The following NLRP5 variants were observed in gnomAD, a reference collection of about 807,000 sequenced individuals.
NLRP5 encodes the protein NLR family pyrin domain containing 5.
NLRP5 carries 93 observed loss-of-function variants against 113.1 expected under a neutral mutation model. The observed-to-expected ratio is 0.82, with a 90% confidence interval of 0.70 to 0.98. The LOEUF (loss-of-function observed/expected upper bound fraction) is 0.98. Ranked by LOEUF, NLRP5 falls within the 50% of genes least tolerant of loss-of-function variation. NLRP5 has a pLI of 0.00. For missense variants in NLRP5, 1,808 were observed against 1,514.3 expected (o/e 1.19, Z -3.22); for synonymous variants, 751 against 600.7 (o/e 1.25, Z -3.66).
chr19:56,014,932 C>A (rs962808561), intron 3 of NLRP5, among the ~76,000 whole-genome samples: 1 of 152,040 alleles, frequency 6.6e-6, no homozygotes, highest in African/African-American at 2.4e-5. Flanking sequence ...TTTACAATTT[C>A]TGCAAGCAAA....
intron 9 of NLRP5, among the ~76,000 whole-genome samples, 178 bp from the exon 10 acceptor site, chr19:56,037,847 G>C (rs1457806846): frequency 1.3e-5 from 2 of 152,112 alleles, no homozygotes; most frequent in East Asian, 3.9e-4. Flanking sequence ...GAAAACCTGA[G>C]GGAGGGAGGA....
intron 3 of NLRP5, among the ~76,000 whole-genome samples, chr19:56,013,223 T>C (rs540112494): frequency 2.0e-5 from 3 of 152,238 alleles, no homozygotes. Context: ...GATGGAGTCG[T>C]GCTCTGTTGC....
chr19:56,010,754 A>AAAAAAAAAAAAAAAAAAAAAAAAAAC (rs1220880536), intron 3 of NLRP5, among the ~76,000 whole-genome samples: 1 of 119,870 alleles, frequency 8.3e-6, no homozygotes, highest in Non-Finnish European at 1.8e-5. Context: ...AAAAAAAAAA[A>AAAAAAAAAAAAAAAAAAAAAAAAAAC]AGTCCCTTGA....
chr19:55,993,676 C>A, the NLRP5 span, among the ~76,000 whole-genome samples: 1 of 136,294 alleles, frequency 7.3e-6, no homozygotes, highest in Admixed American at 7.7e-5. Context: ...CTTCCATAGT[C>A]CCATTTGCTC....
intron 1 of NLRP5, among the ~76,000 whole-genome samples, chr19:56,000,130 C>T (rs959015455): frequency 6.6e-5 from 10 of 151,550 alleles, no homozygotes; most frequent in Admixed American, 3.3e-4. Flanking sequence ...TGTCCAGGGA[C>T]GGCCACCTCT....
chr19:56,009,987 C>T (rs2056116311), intron 3 of NLRP5, among the ~76,000 whole-genome samples: 1 of 152,202 alleles, frequency 6.6e-6, no homozygotes, highest in African/African-American at 2.4e-5. Context: ...TGTGATAAGA[C>T]TGCGTCTCAG....
chr19:56,050,457 T>A lies in NLRP5; in HGVS notation c.2997T>A (p.Phe999Leu). Residue 999 changes from phenylalanine to leucine, a missense_variant, in exon 12 of 15, where the codon TTT becomes TTA. By Grantham distance (22) the Phe-to-Leu change is conservative. Coordinates refer to ENST00000390649, the MANE Select transcript of NLRP5 (RefSeq NM_153447.4). ...ACCTGGACACGGCTGGCTGTGGTTT[T>A]CTTGCACTTGCGCTTATGGGTAACT... is the stretch of plus-strand genomic sequence containing the variant. 3 of 1,613,930 alleles carry A rather than the reference T, an allele frequency of 1.9e-6. No individual in the cohort carries two copies. The highest frequency in any genetic ancestry group is 2.5e-6 in the Non-Finnish European group (3 of 1,179,874).
At chr19:55,994,137 G>A in the NLRP5 span, among the ~76,000 whole-genome samples, 5 of 151,850 alleles carry the variant, frequency 3.3e-5, no homozygotes, top group African/African-American at 9.7e-5. Flanking sequence ...TTTATTTTTC[G>A]TCTTTTTTGA....
In NLRP5 at chr19:56,038,179, G is replaced by A. The variant is rs775580229; in HGVS notation, c.2770G>A (p.Ala924Thr). Residue 924 changes from alanine to threonine, a missense_variant, in exon 10 of 15, where the codon GCC (alanine) becomes ACC (threonine). Coordinates refer to ENST00000390649, the MANE Select transcript of NLRP5 (RefSeq NM_153447.4). ...TGATGCCTTGAGAGTCTCCCAGTGCGCCCTGCAGAAGCTGATGTGAGTGCC... is the reference window on the plus strand; with the variant it reads ...TGATGCCTTGAGAGTCTCCCAGTGCACCCTGCAGAAGCTGATGTGAGTGCC... The A allele has an allele frequency of 1.8e-5, 29 of 1,613,650 alleles. 1 individual carries two copies. Among genetic ancestry groups the A allele is most frequent in the East Asian group, 1.1e-4 (5 of 44,878 alleles).
At chr19:56,005,180 T>C (rs552565532) in intron 2 of NLRP5, among the ~76,000 whole-genome samples, 3 of 134,824 alleles carry the variant, frequency 2.2e-5, no homozygotes, top group African/African-American at 8.6e-5. Context: ...TTTTTATATA[T>C]ACACACATAT....
At chr19:56,020,966 C>G (rs1312954339) in intron 6 of NLRP5, among the ~76,000 whole-genome samples, 1 of 151,638 alleles carries the variant, frequency 6.6e-6, no homozygotes, top group African/African-American at 2.4e-5. Context: ...CTCTGCCTCC[C>G]AGGTTCAAGC....
chr19:56,030,296 G>A (rs4801663), intron 7 of NLRP5, among the ~76,000 whole-genome samples: 6,349 of 151,984 alleles, frequency 0.042, 226 homozygotes, highest in East Asian at 0.2. Context: ...CTGGAACCCC[G>A]CGGGCGGAGG....
In NLRP5 at chr19:56,004,132, G is replaced by C. The variant is rs764665493; in HGVS notation, c.442+37G>C. On this transcript the variant is annotated intron_variant, in intron 2 of 14. Transcript: ENST00000390649. The stretch of plus-strand genomic sequence containing the variant: ...TTGGGACAAGTCTAGGGCAGGGAGG[G>C]GAGGTGATTTCAGGTTCTCATGGGA... 1.5e-5 allele frequency: 23 copies of C among 1,555,190 alleles called. No homozygotes were observed. The South Asian group carries it at 2.5e-4, about 17-fold the overall frequency.
intron 10 of NLRP5, among the ~76,000 whole-genome samples, chr19:56,039,459 C>A (rs139605878): frequency 2.0e-5 from 3 of 152,152 alleles, no homozygotes; most frequent in Non-Finnish European, 4.4e-5. Context: ...CATCCAGGCT[C>A]AGAGGGTGAC....
chr19:56,051,892 A>G (rs532218728), intron 12 of NLRP5, among the ~76,000 whole-genome samples: 230 of 152,330 alleles, frequency 1.5e-3, no homozygotes, highest in Non-Finnish European at 2.5e-3. Context: ...CTCCCTTCCC[A>G]AGAATAAAAT....
chr19:56,036,492 G>A (rs531684512), intron 9 of NLRP5, among the ~76,000 whole-genome samples: 4 of 152,152 alleles, frequency 2.6e-5, no homozygotes, highest in Admixed American at 6.5e-5. Flanking sequence ...TTGATTCTGC[G>A]TGTAGTACTA....
intron 12 of NLRP5, among the ~76,000 whole-genome samples, chr19:56,052,531 A>C (rs1351968969): frequency 6.6e-6 from 1 of 152,250 alleles, no homozygotes; most frequent in Non-Finnish European, 1.5e-5. Flanking sequence ...TGGCCTCCCA[A>C]AGTGCTGGGA....
At chr19:56,003,212 T>C (rs537702551) in intron 1 of NLRP5, among the ~76,000 whole-genome samples, 64 of 152,300 alleles carry the variant, frequency 4.2e-4, no homozygotes, top group African/African-American at 1.5e-3. Context: ...AGTGCAATGA[T>C]GCAGTCTTGG....
chr19:56,021,257 T>C (rs1346431117), intron 6 of NLRP5, among the ~76,000 whole-genome samples: 1 of 152,192 alleles, frequency 6.6e-6, no homozygotes, highest in Non-Finnish European at 1.5e-5. Flanking sequence ...CTTTGCAGGA[T>C]GATGATTAAA....
Sources: allele counts gnomAD v4.1 joint callset (sites outside exome capture counted in the v4.1 genomes callset), GRCh38; gene constraint gnomAD v4.1.1; transcripts MANE v1.5; gene names NCBI Gene and HGNC (gene_info 2026-07-23, HGNC 2026-07-21).